Variants in PMFBP1 observed in about 807,000 individuals in gnomAD.
PMFBP1 encodes the protein polyamine-modulated factor 1-binding protein 1.
Under a neutral mutation model 137.8 loss-of-function variants are expected in PMFBP1, and 131 were observed. The observed-to-expected ratio is 0.95, with a 90% CI of 0.82 to 1.10. PMFBP1 has a LOEUF of 1.10. PMFBP1 is among the 50% of genes least tolerant of loss of function. The pLI is 0.00. For missense variants in PMFBP1, 1,199 were observed against 1,175.4 expected (o/e 1.02, Z -0.29); for synonymous variants, 490 against 450.4 (o/e 1.09, Z -1.11).
At chr16:72,148,999 G>T (rs995762016) in intron 5 of PMFBP1, among the ~76,000 whole-genome samples, 2 of 152,190 alleles carry the variant, frequency 1.3e-5, no homozygotes, top group South Asian at 4.1e-4. Context: ...AGCTCTGTGG[G>T]GTTGGCTGAG....
chr16:72,163,668 T>C (rs1399715691), intron 3 of PMFBP1, among the ~76,000 whole-genome samples: 1 of 152,152 alleles, frequency 6.6e-6, no homozygotes, highest in East Asian at 1.9e-4. Flanking sequence ...TGTCCACTCA[T>C]TGATTGATGG....
the PMFBP1 span, among the ~76,000 whole-genome samples, chr16:72,212,812 T>C: frequency 4.5e-4 from 69 of 152,254 alleles, no homozygotes; most frequent in African/African-American, 1.6e-3. Flanking sequence ...AAAAAAAAGA[T>C]CCTGAAAGTT....
chr16:72,150,544 T>A, intron 5 of PMFBP1, 64 bp downstream of exon 5: 1 of 1,516,004 alleles, frequency 6.6e-7, no homozygotes, highest in Non-Finnish European at 9.1e-7. Context: ...GCTGGGACTG[T>A]CTGAGGGGAC....
chr16:72,128,313 T>G, intron 14 of PMFBP1: 1 of 1,178,186 alleles, frequency 8.5e-7, no homozygotes, highest in East Asian at 4.5e-5. Context: ...CTCCTTTTTG[T>G]GCTTTGTGAC....
intron 17 of PMFBP1, 59 bp from the exon 18 acceptor site, chr16:72,123,708 C>T (rs1175027620): frequency 2.0e-6 from 3 of 1,467,614 alleles, no homozygotes; most frequent in Non-Finnish European, 2.8e-6. Flanking sequence ...TGTCAGCCCT[C>T]CTTCCGAGTC....
upstream of PMFBP1, among the ~76,000 whole-genome samples, chr16:72,173,022 A>T (rs1273322902): frequency 1.3e-5 from 2 of 152,216 alleles, no homozygotes; most frequent in African/African-American, 4.8e-5. Context: ...AAGCAAGATT[A>T]AAAATAGCGT....
intron 1 of PMFBP1, 70 bp from the exon 2 acceptor site, chr16:72,171,338 C>T: frequency 9.4e-7 from 1 of 1,063,456 alleles, no homozygotes. Flanking sequence ...ATTTTCCCAG[C>T]TGGATCTATG....
upstream of PMFBP1, among the ~76,000 whole-genome samples, chr16:72,174,761 C>T (rs9933867): frequency 0.04 from 6,081 of 152,218 alleles, 375 homozygotes; most frequent in African/African-American, 0.14. Flanking sequence ...CATCAGATCT[C>T]GTGAGAACTC....
intron 3 of PMFBP1, among the ~76,000 whole-genome samples, chr16:72,160,273 T>A (rs1023880094): frequency 6.6e-6 from 1 of 152,262 alleles, no homozygotes; most frequent in African/African-American, 2.4e-5. Flanking sequence ...TTTCCTTGTA[T>A]TGAAGTTAAG....
intron 2 of PMFBP1, among the ~76,000 whole-genome samples, chr16:72,169,131 A>G (rs2043185713): frequency 6.6e-6 from 1 of 152,172 alleles, no homozygotes; most frequent in African/African-American, 2.4e-5. Context: ...AACCAATAAC[A>G]CCATAAAGGT....
the PMFBP1 span, among the ~76,000 whole-genome samples, chr16:72,228,085 G>T: frequency 3.9e-5 from 6 of 152,076 alleles, no homozygotes; most frequent in Non-Finnish European, 8.8e-5. Flanking sequence ...TTTCTTTTCA[G>T]AAGTGGAAGC....
At chr16:72,154,908 G>T (rs1041429348) in intron 3 of PMFBP1, among the ~76,000 whole-genome samples, 18 of 152,248 alleles carry the variant, frequency 1.2e-4, no homozygotes, top group African/African-American at 4.3e-4. Flanking sequence ...GAATTCTTGG[G>T]GATTTTGAAA....
intron 14 of PMFBP1, 28 bp downstream of exon 14, chr16:72,128,629 C>T (rs1195836949): frequency 4.3e-6 from 7 of 1,613,864 alleles, no homozygotes; most frequent in Non-Finnish European, 5.1e-6. Context: ...TCAAATTCCT[C>T]ACTCCCTTGG....
the PMFBP1 span, among the ~76,000 whole-genome samples, chr16:72,244,816 G>A: frequency 6.6e-6 from 1 of 152,164 alleles, no homozygotes; most frequent in Non-Finnish European, 1.5e-5. Flanking sequence ...CCCCAGGCTA[G>A]CCACTTCCCT....
the PMFBP1 span, among the ~76,000 whole-genome samples, chr16:72,239,885 CAAAAAAAAAAAAAAAGAAA>C: frequency 4.7e-5 from 1 of 21,402 alleles, no homozygotes. Context: ...ACTCCATGTA[CAAAAAAAAAAAAAAAGAAA>C]AAAAAAAAAA....
chr16:72,224,692 C>T, the PMFBP1 span: 1 of 152,490 alleles, frequency 6.6e-6, no homozygotes, highest in South Asian at 2.1e-4. Flanking sequence ...GTGACCTTGC[C>T]TCGCCTGCCT....
At chr16:72,217,671 G>A in the PMFBP1 span, among the ~76,000 whole-genome samples, 1 of 152,236 alleles carries the variant, frequency 6.6e-6, no homozygotes, top group South Asian at 2.1e-4. Context: ...GGCCAACATG[G>A]TGAAACCCCA....
At chr16:72,219,552 C>CGG in the PMFBP1 span, among the ~76,000 whole-genome samples, 49 of 133,384 alleles carry the variant, frequency 3.7e-4, no homozygotes, top group East Asian at 3.2e-3. Context: ...TCAATGTGGG[C>CGG]GGGGGGGCCT....
chr16:72,207,397 G>C, the PMFBP1 span, among the ~76,000 whole-genome samples: 2 of 152,146 alleles, frequency 1.3e-5, no homozygotes. Flanking sequence ...AAAAGGGATG[G>C]TTTTGAGAGA....
Sources: allele counts gnomAD v4.1 joint callset (sites outside exome capture counted in the v4.1 genomes callset), GRCh38; gene constraint gnomAD v4.1.1; transcripts MANE v1.5; gene names NCBI Gene and HGNC (gene_info 2026-07-23, HGNC 2026-07-21).